The following MCPH1 variants were observed in gnomAD, a reference collection of about 807,000 sequenced individuals.
The protein encoded by MCPH1 is microcephalin 1.
A neutral mutation model predicts 84.5 loss-of-function variants in MCPH1; 104 were observed. That is an observed-to-expected ratio of 1.23 (90% confidence interval 1.05 to 1.45). MCPH1 has a LOEUF of 1.45. Ranked by LOEUF, MCPH1 falls within the 40% of genes most tolerant of loss-of-function variation. MCPH1 has a pLI of 0.00. For synonymous variants in MCPH1, 514 were observed against 366.8 expected (o/e 1.40, Z -4.58); for missense variants, 1,498 against 1,005.7 (o/e 1.49, Z -6.62).
At chr8:6,586,404 C>T (rs571077078) in intron 12 of MCPH1, among the ~76,000 whole-genome samples, 85 of 152,300 alleles carry the variant, frequency 5.6e-4, no homozygotes, top group African/African-American at 1.8e-3. Flanking sequence ...CCCCAGGGTC[C>T]GCGCTCTGTC....
chr8:6,544,932 T>G (rs1357288452), intron 12 of MCPH1, among the ~76,000 whole-genome samples: 1 of 152,236 alleles, frequency 6.6e-6, no homozygotes, highest in Non-Finnish European at 1.5e-5. Context: ...GTTCTCACAA[T>G]GGAATTATTA....
At chr8:6,639,563 C>G (rs1300205855) in intron 13 of MCPH1, among the ~76,000 whole-genome samples, 2 of 151,474 alleles carry the variant, frequency 1.3e-5, no homozygotes, top group African/African-American at 4.9e-5. Flanking sequence ...CTCAGGACGT[C>G]AAGGTGGGAG....
At chr8:6,625,977 G>C in intron 13 of MCPH1, 1 of 985,156 alleles carries the variant, frequency 1.0e-6, no homozygotes, top group Non-Finnish European at 1.2e-6. Flanking sequence ...CCAGAGGAGG[G>C]AAAGGAAGGT....
At position 6,455,240 on chromosome 8, in the gene MCPH1, G is replaced by C. The variant is rs374722300; in HGVS notation, c.1923G>C (p.Gly641=). The change falls in exon 9 of 14, where the codon GGG becomes GGC. Residue 641 remains glycine, a synonymous_variant. Coordinates refer to ENST00000344683, the MANE Select transcript of MCPH1 (RefSeq NM_024596.5). ...IKPHEELKKS[G]RGKKPTRTLV... ...CTCATGAGGAATTGAAGAAAAGTGG[G>C]AGAGGCAAAAAGGTCAGTGTGTAAA... 1.2e-6 allele frequency: 2 copies of C among 1,612,140 alleles called. No homozygotes were observed. The highest frequency in any genetic ancestry group is 1.3e-5 in the African/African-American group (1 of 74,884).
At chr8:6,574,628 T>A (rs1490891608) in intron 12 of MCPH1, among the ~76,000 whole-genome samples, 1 of 152,224 alleles carries the variant, frequency 6.6e-6, no homozygotes, top group Non-Finnish European at 1.5e-5. Flanking sequence ...TGAAAACTTA[T>A]AGACATGAAA....
At chr8:6,624,499 G>A (rs1274252031) in intron 13 of MCPH1, among the ~76,000 whole-genome samples, 1 of 152,212 alleles carries the variant, frequency 6.6e-6, no homozygotes, top group African/African-American at 2.4e-5. Context: ...CACACTCTCT[G>A]AGATGTAAGA....
At chr8:6,430,201 CTT>C (rs1801636880) in intron 3 of MCPH1, among the ~76,000 whole-genome samples, 1 of 152,198 alleles carries the variant, frequency 6.6e-6, no homozygotes, top group African/African-American at 2.4e-5. Context: ...TTGTACTTCT[CTT>C]GTTACAATTA....
At chr8:6,613,628 G>C (rs1328038931) in intron 12 of MCPH1, among the ~76,000 whole-genome samples, 1 of 152,060 alleles carries the variant, frequency 6.6e-6, no homozygotes, top group African/African-American at 2.4e-5. Flanking sequence ...GGGACCGGGG[G>C]GTGAGGGGGT....
chr8:6,514,825 C>G, intron 12 of MCPH1: 15 of 1,522,086 alleles, frequency 9.9e-6, no homozygotes, highest in Non-Finnish European at 1.4e-5. Context: ...CCCCCACTCC[C>G]CCCTTACGTA....
chr8:6,424,639 G>A (rs541689920), intron 3 of MCPH1, among the ~76,000 whole-genome samples: 30 of 152,200 alleles, frequency 2.0e-4, no homozygotes, highest in African/African-American at 3.1e-4. Context: ...GGTCTGATGT[G>A]TCCTCCTAAT....
At chr8:6,443,639 G>A (rs76675587) in intron 7 of MCPH1, among the ~76,000 whole-genome samples, 7,996 of 152,308 alleles carry the variant, frequency 0.052, 263 homozygotes, top group Middle Eastern at 0.082. Context: ...AGATGCCCAC[G>A]TAACCATGGG....
At position 6,429,800 on chromosome 8, in the gene MCPH1, T is replaced by C. The variant is rs373922989; in HGVS notation, c.234-1699T>C. On this transcript the variant is annotated intron_variant, in intron 3 of 13. Transcript: ENST00000344683. The stretch of plus-strand genomic sequence containing the variant: ...TCTTTAGCGTCTCCTGCCACAGTTA[T>C]TGCAGTATTCCCTGACTGGCCTCCT... Among the ~76,000 whole-genome samples the C allele has an allele frequency of 9.9e-5, 15 of 152,220 alleles. 1 individual carries two copies. The South Asian group carries it at 2.9e-3, about 29-fold the overall frequency.
chr8:6,492,112 A>G (rs1156426026), intron 11 of MCPH1, among the ~76,000 whole-genome samples: 3 of 152,084 alleles, frequency 2.0e-5, no homozygotes, highest in Non-Finnish European at 2.9e-5. Context: ...AAGTGTTCCT[A>G]TTTCTCCACA....
intron 12 of MCPH1, among the ~76,000 whole-genome samples, chr8:6,583,835 A>C (rs898291912): frequency 8.0e-6 from 1 of 124,560 alleles, no homozygotes; most frequent in Non-Finnish European, 1.7e-5. Context: ...TTCCTAGGTT[A>C]TTGGTGTTCA....
At position 6,442,168 on chromosome 8, in the gene MCPH1, A is replaced by T. The variant is rs540930467; in HGVS notation, c.670+12A>T. 4.5e-6 allele frequency: 7 copies of T among 1,546,344 alleles called. No homozygotes were observed. In the Admixed American group the frequency reaches 6.7e-5, roughly 15 times the overall value. ...TACTTTGTGTTCAGGTAAAATTTTT[A>T]TTTTCCTTTCTGTGATATGTTTAAG... On this transcript the variant is annotated intron_variant, in intron 7 of 13. Transcript: ENST00000344683.
chr8:6,612,137 G>C (rs1830336637), intron 12 of MCPH1, among the ~76,000 whole-genome samples: 1 of 152,176 alleles, frequency 6.6e-6, no homozygotes, highest in Non-Finnish European at 1.5e-5. Context: ...GATGAAGGAC[G>C]TTCTTCTGCA....
intron 9 of MCPH1, among the ~76,000 whole-genome samples, chr8:6,461,510 T>G (rs1472233698): frequency 6.6e-6 from 1 of 151,550 alleles, no homozygotes; most frequent in Non-Finnish European, 1.5e-5. Flanking sequence ...TATTTTTTTT[T>G]TTTTTAATTA....
intron 9 of MCPH1, among the ~76,000 whole-genome samples, chr8:6,457,831 C>T (rs1465566503): frequency 2.6e-5 from 4 of 152,074 alleles, no homozygotes; most frequent in African/African-American, 4.8e-5. Flanking sequence ...TATTAGTGTT[C>T]ACCGCACAGC....
chr8:6,575,672 G>T (rs763053239), intron 12 of MCPH1, among the ~76,000 whole-genome samples: 18 of 152,152 alleles, frequency 1.2e-4, no homozygotes, highest in Admixed American at 1.2e-3. Context: ...TCGGAAGTAG[G>T]GCCATTGCAG....
Sources: gnomAD v4.1 joint callset for allele counts (sites outside exome capture counted in the v4.1 genomes callset) on GRCh38, gnomAD v4.1.1 for gene constraint, MANE v1.5 for transcripts, NCBI Gene and HGNC (gene_info 2026-07-23, HGNC 2026-07-21) for gene names.